Variants in DLG2 observed in about 807,000 individuals in gnomAD.
DLG2 encodes the protein discs large MAGUK scaffold protein 2.
DLG2 carries 45 observed loss-of-function variants against 132.5 expected under a neutral mutation model. That is an observed-to-expected ratio of 0.34 (90% CI 0.27 to 0.44). DLG2 has a LOEUF of 0.44. DLG2 is among the 20% of genes least tolerant of loss of function. The probability of loss-of-function intolerance (pLI) is 1.00; values close to 1 mark genes in which losing one functional copy is unlikely to be tolerated. For missense variants in DLG2, 1,045 were observed against 1,196.9 expected (o/e 0.87, Z 1.87); for synonymous variants, 424 against 419.6 (o/e 1.01, Z -0.13).
intron 7 of DLG2, among the ~76,000 whole-genome samples, chr11:84,406,007 C>A (rs1459907758): frequency 6.6e-6 from 1 of 152,150 alleles, no homozygotes; most frequent in African/African-American, 2.4e-5. Context: ...CCTTCTTGGT[C>A]ACAGTTTTGT....
intron 7 of DLG2, among the ~76,000 whole-genome samples, chr11:84,359,500 G>A (rs1201882683): frequency 2.0e-5 from 3 of 151,850 alleles, no homozygotes; most frequent in Non-Finnish European, 2.9e-5. Context: ...TACGTGGCCT[G>A]AAAATTATTG....
At position 83,673,934 on chromosome 11, in the gene DLG2, C is replaced by A. The variant is rs191108846; in HGVS notation, c.1826-40609G>T. The stretch of plus-strand genomic sequence containing the variant: ...ACCTCTGCCCTATCCAAATCCCTGA[C>A]CTGTCTTTCCAGACAACCTCAAATA... On this transcript the variant is annotated intron_variant, in intron 18 of 27. Transcript: ENST00000376104. Among the ~76,000 whole-genome samples, 153 of 152,340 alleles carry A rather than the reference C, an allele frequency of 1.0e-3. 1 individual carries two copies. Among genetic ancestry groups the A allele is most frequent in the South Asian group, 8.9e-3 (43 of 4,824 alleles).
At chr11:84,595,465 A>T (rs2099554364) in intron 6 of DLG2, among the ~76,000 whole-genome samples, 1 of 151,188 alleles carries the variant, frequency 6.6e-6, no homozygotes, top group Non-Finnish European at 1.5e-5. Context: ...TACCTCATAA[A>T]AAGGTAAATT....
chr11:84,574,923 G>C (rs1382312564), intron 6 of DLG2, among the ~76,000 whole-genome samples: 1 of 152,096 alleles, frequency 6.6e-6, no homozygotes, highest in Non-Finnish European at 1.5e-5. Context: ...CAACTGGGTA[G>C]ATGCAAGTTT....
intron 8 of DLG2, among the ~76,000 whole-genome samples, chr11:84,214,104 G>A (rs2096796211): frequency 6.7e-6 from 1 of 149,702 alleles, no homozygotes; most frequent in Non-Finnish European, 1.5e-5. Flanking sequence ...AAAAGCCCAA[G>A]CTTAGTAGAA....
chr11:83,536,883 G>T (rs372919955), intron 20 of DLG2, among the ~76,000 whole-genome samples: 1 of 152,068 alleles, frequency 6.6e-6, no homozygotes, highest in Non-Finnish European at 1.5e-5. Flanking sequence ...TTACTTTCCC[G>T]GTAAGAATCT....
chr11:84,613,686 T>G (rs2099599295), intron 6 of DLG2, among the ~76,000 whole-genome samples: 1 of 152,162 alleles, frequency 6.6e-6, no homozygotes, highest in South Asian at 2.1e-4. Flanking sequence ...GACAAAAGGA[T>G]GAGATGAGAA....
At chr11:83,466,575 A>T (rs2091078967) in intron 26 of DLG2, 133 bp downstream of exon 26, 2 of 534,150 alleles carry the variant, frequency 3.7e-6, no homozygotes. Context: ...ATCTTCAAAA[A>T]AAGAGAATGC....
At chr11:85,431,411 G>T (rs571813935) in intron 3 of DLG2, among the ~76,000 whole-genome samples, 2 of 152,316 alleles carry the variant, frequency 1.3e-5, no homozygotes, top group South Asian at 2.1e-4. Context: ...GCAACCCATG[G>T]ATCAGAAGAT....
intron 6 of DLG2, among the ~76,000 whole-genome samples, chr11:85,074,508 T>C (rs1323147975): frequency 6.6e-6 from 1 of 152,008 alleles, no homozygotes; most frequent in East Asian, 1.9e-4. Context: ...AGATTCGCAA[T>C]AGCTGGGAAC....
intron 3 of DLG2, among the ~76,000 whole-genome samples, chr11:85,503,352 C>T (rs2093849293): frequency 6.6e-6 from 1 of 152,102 alleles, no homozygotes; most frequent in Non-Finnish European, 1.5e-5. Flanking sequence ...CACTTCTCAA[C>T]TCTTTGATCT....
At chr11:85,458,635 T>A (rs575549677) in intron 3 of DLG2, among the ~76,000 whole-genome samples, 61 of 152,336 alleles carry the variant, frequency 4.0e-4, no homozygotes, top group African/African-American at 1.3e-3. Context: ...TGAGGCTTTG[T>A]GCAAGGTCTT....
intron 19 of DLG2, among the ~76,000 whole-genome samples, chr11:83,570,700 A>G (rs548309225): frequency 6.6e-6 from 1 of 152,284 alleles, no homozygotes; most frequent in South Asian, 2.1e-4. Context: ...AACCAGAGGA[A>G]AATGTCACAG....
chr11:84,001,210 A>G (rs1055264648), intron 11 of DLG2, among the ~76,000 whole-genome samples: 3 of 151,926 alleles, frequency 2.0e-5, no homozygotes, highest in Admixed American at 2.0e-4. Context: ...TACTTTACCT[A>G]TAAAAACACA....
intron 3 of DLG2, among the ~76,000 whole-genome samples, chr11:85,465,018 G>A (rs984109901): frequency 8.0e-6 from 1 of 125,720 alleles, no homozygotes; most frequent in African/African-American, 3.0e-5. Flanking sequence ...AGGTTGTAGT[G>A]AGCCAAGATT....
intron 3 of DLG2, among the ~76,000 whole-genome samples, chr11:85,408,599 A>G (rs1014296777): frequency 2.3e-5 from 3 of 131,358 alleles, no homozygotes; most frequent in Admixed American, 9.3e-5. Flanking sequence ...TCCTGTGTCC[A>G]TGTGTTCTCA....
intron 18 of DLG2, among the ~76,000 whole-genome samples, chr11:83,638,853 T>A (rs2065574928): frequency 6.6e-6 from 1 of 152,206 alleles, no homozygotes; most frequent in Non-Finnish European, 1.5e-5. Flanking sequence ...ATCAGTATTA[T>A]CTCAAGGCCT....
chr11:84,671,505 G>T (rs1368910200), intron 6 of DLG2, among the ~76,000 whole-genome samples: 1 of 152,052 alleles, frequency 6.6e-6, no homozygotes, highest in East Asian at 1.9e-4. Context: ...AGGGGGAGGA[G>T]ATTAGTTGTA....
At chr11:84,183,204 A>G (rs58827106) in intron 8 of DLG2, among the ~76,000 whole-genome samples, 9,851 of 152,276 alleles carry the variant, frequency 0.065, 389 homozygotes, top group African/African-American at 0.1. Flanking sequence ...ACTTCCAGAA[A>G]AGAGAAGCAC....
Sources: gnomAD v4.1 joint callset for allele counts (sites outside exome capture counted in the v4.1 genomes callset) on GRCh38, gnomAD v4.1.1 for gene constraint, MANE v1.5 for transcripts, NCBI Gene and HGNC (gene_info 2026-07-23, HGNC 2026-07-21) for gene names.